The following FARS2 variants were observed in gnomAD, a reference collection of about 807,000 sequenced individuals.
FARS2 encodes phenylalanyl-tRNA synthetase 2, mitochondrial.
A neutral mutation model predicts 46.4 loss-of-function variants in FARS2; 40 were observed. That is an observed-to-expected ratio of 0.86 (90% confidence interval 0.67 to 1.12). The LOEUF (loss-of-function observed/expected upper bound fraction) is 1.12. FARS2 is among the 50% of genes most tolerant of loss of function. The pLI is 0.00. For synonymous variants in FARS2, 234 were observed against 214.9 expected (o/e 1.09, Z -0.78); for missense variants, 513 against 567.9 (o/e 0.90, Z 0.98).
At chr6:5,569,245 T>A (rs1334920972) in intron 5 of FARS2, among the ~76,000 whole-genome samples, 1 of 151,958 alleles carries the variant, frequency 6.6e-6, no homozygotes, top group Non-Finnish European at 1.5e-5. Context: ...ATAATTTTTT[T>A]TTTTTTTTTG....
At chr6:5,327,489 T>C (rs1481345244) in intron 1 of FARS2, among the ~76,000 whole-genome samples, 1 of 152,172 alleles carries the variant, frequency 6.6e-6, no homozygotes, top group Non-Finnish European at 1.5e-5. Context: ...GTTCTTGTGA[T>C]GGTGAATATG....
intron 1 of FARS2, among the ~76,000 whole-genome samples, chr6:5,306,861 G>A (rs1768740771): frequency 6.6e-6 from 1 of 151,998 alleles, no homozygotes; most frequent in African/African-American, 2.4e-5. Context: ...AGCATGCTGA[G>A]GTGGGCACAT....
At chr6:5,724,039 G>A (rs557331580) in intron 6 of FARS2, among the ~76,000 whole-genome samples, 9 of 152,222 alleles carry the variant, frequency 5.9e-5, no homozygotes, top group South Asian at 2.1e-4. Flanking sequence ...AGGAAGGGCC[G>A]CCCCAGTGGG....
chr6:5,389,766 AT>A (rs1272557104), intron 2 of FARS2, among the ~76,000 whole-genome samples: 1 of 152,184 alleles, frequency 6.6e-6, no homozygotes, highest in Non-Finnish European at 1.5e-5. Flanking sequence ...AAAATGTTAC[AT>A]CTGTTTCTGA....
At chr6:5,724,950 C>A (rs544575155) in intron 6 of FARS2, among the ~76,000 whole-genome samples, 2 of 152,350 alleles carry the variant, frequency 1.3e-5, no homozygotes, top group South Asian at 2.1e-4. Flanking sequence ...TTCCAGGAGA[C>A]TAAAACGTAG....
intron 1 of FARS2, among the ~76,000 whole-genome samples, chr6:5,261,861 G>A (rs1299216700): frequency 6.6e-6 from 1 of 152,340 alleles, no homozygotes; most frequent in South Asian, 2.1e-4. Flanking sequence ...GACCTTTAGG[G>A]CTTTAGGCTT....
At chr6:5,614,432 C>T (rs1471163253) in intron 6 of FARS2, among the ~76,000 whole-genome samples, 7 of 137,954 alleles carry the variant, frequency 5.1e-5, no homozygotes, top group African/African-American at 1.3e-4. Context: ...TTTTTTGAGA[C>T]GGAGTCTCGC....
chr6:5,498,415 A>C (rs1767598279), intron 4 of FARS2, among the ~76,000 whole-genome samples: 1 of 152,138 alleles, frequency 6.6e-6, no homozygotes, highest in South Asian at 2.1e-4. Flanking sequence ...AGATCGGCCA[A>C]GTTAACCATC....
At chr6:5,338,828 A>C (rs1024274937) in intron 1 of FARS2, among the ~76,000 whole-genome samples, 3 of 152,164 alleles carry the variant, frequency 2.0e-5, no homozygotes, top group African/African-American at 7.2e-5. Flanking sequence ...GGGCTGCTGT[A>C]CTTTGGTGCT....
chr6:5,578,166 A>G (rs1247483539), intron 5 of FARS2, among the ~76,000 whole-genome samples: 1 of 152,184 alleles, frequency 6.6e-6, no homozygotes, highest in Non-Finnish European at 1.5e-5. Context: ...TCATTTTGAT[A>G]AGAATGAATA....
At chr6:5,670,709 T>C (rs1778408969) in intron 6 of FARS2, among the ~76,000 whole-genome samples, 1 of 152,220 alleles carries the variant, frequency 6.6e-6, no homozygotes, top group Admixed American at 6.5e-5. Context: ...CTCATTAGTA[T>C]GCACAGCACT....
At chr6:5,492,252 G>A (rs1002294076) in intron 4 of FARS2, among the ~76,000 whole-genome samples, 13 of 152,218 alleles carry the variant, frequency 8.5e-5, no homozygotes, top group East Asian at 5.8e-4. Flanking sequence ...ATATTTGAAC[G>A]CTTTTCTTTA....
intron 3 of FARS2, among the ~76,000 whole-genome samples, chr6:5,413,272 C>G (rs1762040404): frequency 1.3e-5 from 2 of 152,052 alleles, no homozygotes; most frequent in Admixed American, 6.5e-5. Flanking sequence ...GTTCACTAAT[C>G]TAGGGAAATA....
chr6:5,502,887 T>C (rs1411437223), intron 4 of FARS2, among the ~76,000 whole-genome samples: 1 of 152,196 alleles, frequency 6.6e-6, no homozygotes, highest in Non-Finnish European at 1.5e-5. Flanking sequence ...AGAAAATCAG[T>C]TAATTCGAAT....
chr6:5,412,338 G>A (rs980049908), intron 3 of FARS2, among the ~76,000 whole-genome samples: 3 of 152,222 alleles, frequency 2.0e-5, no homozygotes, highest in Admixed American at 6.5e-5. Flanking sequence ...TGGGCTGTCT[G>A]CTCCAGACCT....
At chr6:5,509,668 C>T (rs994598717) in intron 4 of FARS2, among the ~76,000 whole-genome samples, 4 of 152,088 alleles carry the variant, frequency 2.6e-5, no homozygotes, top group East Asian at 1.9e-4. Context: ...TCTAGCTTGG[C>T]GCCAGAGCGG....
At chr6:5,497,699 T>G (rs143185181) in intron 4 of FARS2, among the ~76,000 whole-genome samples, 47 of 152,326 alleles carry the variant, frequency 3.1e-4, no homozygotes, top group Non-Finnish European at 5.7e-4. Context: ...TGTAAAATAT[T>G]TTCCTCAATA....
intron 2 of FARS2, among the ~76,000 whole-genome samples, chr6:5,386,276 C>T (rs534070640): frequency 2.6e-5 from 4 of 152,110 alleles, no homozygotes; most frequent in East Asian, 1.9e-4. Context: ...GACGAGTCCC[C>T]GGAATGTGTA....
intron 1 of FARS2, among the ~76,000 whole-genome samples, chr6:5,350,727 C>T (rs930400104): frequency 6.6e-6 from 1 of 152,008 alleles, no homozygotes; most frequent in Non-Finnish European, 1.5e-5. Flanking sequence ...GTGTCAATGT[C>T]CTGGTTGTGA....
Sources: gnomAD v4.1 joint callset for allele counts (sites outside exome capture counted in the v4.1 genomes callset) on GRCh38, gnomAD v4.1.1 for gene constraint, MANE v1.5 for transcripts, NCBI Gene and HGNC (gene_info 2026-07-23, HGNC 2026-07-21) for gene names.